Variants in VASH2 observed in about 807,000 individuals in gnomAD.
The protein encoded by VASH2 is vasohibin 2, also known as tubulinyl-Tyr carboxypeptidase 2.
In VASH2, 28 loss-of-function variants were observed where a neutral mutation model predicts 37.2. The ratio of observed to expected loss-of-function variants is 0.75; its 90% CI spans 0.56 to 1.03. The LOEUF is 1.03. Ranked by LOEUF, VASH2 falls within the 50% of genes least tolerant of loss-of-function variation. The probability of loss-of-function intolerance (pLI) is 0.00; values close to 1 mark genes in which losing one functional copy is unlikely to be tolerated. For missense variants in VASH2, 419 were observed against 459.1 expected (o/e 0.91, Z 0.80); for synonymous variants, 188 against 174.7 (o/e 1.08, Z -0.60).
intron 7 of VASH2, among the ~76,000 whole-genome samples, chr1:212,982,580 T>C (rs1242098371): frequency 6.6e-6 from 1 of 152,196 alleles, no homozygotes; most frequent in Non-Finnish European, 1.5e-5. Flanking sequence ...CACCCAGCTC[T>C]GGCCCTGAGA....
chr1:212,957,315 C>A (rs1158195889), intron 2 of VASH2, among the ~76,000 whole-genome samples: 1 of 152,170 alleles, frequency 6.6e-6, no homozygotes, highest in African/African-American at 2.4e-5. Flanking sequence ...TTGCTTCCAC[C>A]TTTGGGGGCC....
At position 212,991,454 on chromosome 1, in the gene VASH2, A is replaced by G. The variant is rs1027535864; in HGVS notation, c.*2870A>G. On this transcript the variant is annotated 3_prime_UTR_variant, in exon 8 of 8. Coordinates refer to ENST00000517399, the MANE Select transcript of VASH2 (RefSeq NM_001301056.2). ...GATTGTTTTAGTGGGTATTTTTCTA[A>G]TTAAATGAAAACTTGTATAATGGTA... The G allele has an allele frequency of 6.6e-6, 1 of 152,180 alleles. No individual in the cohort carries two copies. Among genetic ancestry groups the G allele is most frequent in the Non-Finnish European group, 1.5e-5 (1 of 68,038 alleles). 9.4% of individuals were successfully genotyped at this position (152,180 alleles called of 1,614,324 possible). A position where few individuals can be genotyped will look rare whatever the true frequency, so the allele number is the denominator to read the frequency against.
intron 2 of VASH2, among the ~76,000 whole-genome samples, chr1:212,958,171 G>A (rs902429716): frequency 1.3e-5 from 2 of 152,178 alleles, no homozygotes; most frequent in Non-Finnish European, 1.5e-5. Context: ...ATGGCCAGTG[G>A]GAACGTTGGG....
chr1:212,966,656 G>C (rs1426930627), intron 5 of VASH2, among the ~76,000 whole-genome samples: 1 of 152,232 alleles, frequency 6.6e-6, no homozygotes, highest in Non-Finnish European at 1.5e-5. Flanking sequence ...ACTAGAGAGA[G>C]TGTGTATGTG....
chr1:212,975,070 G>T (rs1401321363), intron 7 of VASH2: 1 of 152,202 alleles, frequency 6.6e-6, no homozygotes, highest in Non-Finnish European at 1.5e-5. Flanking sequence ...AACATTTTAC[G>T]AGTTTTGTTT....
At position 212,972,668 on chromosome 1, in the gene VASH2, C is replaced by G. The variant is rs757854031; in HGVS notation, c.586C>G (p.Leu196Val). ...AGGAAACTACTTTCACCACGTTGTG[C>G]TGGGGATTTACTGCAATGGCCGCTA... ...FSGNYFHHVVLGIYCNGRYGS... is the reference protein window; with the variant it reads ...FSGNYFHHVVVGIYCNGRYGS... Residue 196 changes from leucine (L) to valine (V), a missense_variant, in exon 6 of 8, where the codon CTG becomes GTG. Transcript: ENST00000517399. 4 of 1,614,116 alleles carry G rather than the reference C, an allele frequency of 2.5e-6. No individual in the cohort carries two copies. Among genetic ancestry groups the G allele is most frequent in the African/African-American group, 2.7e-5 (2 of 74,934 alleles).
At chr1:212,960,637 G>T (rs532788604) in intron 2 of VASH2, among the ~76,000 whole-genome samples, 4 of 152,164 alleles carry the variant, frequency 2.6e-5, no homozygotes, top group Non-Finnish European at 4.4e-5. Flanking sequence ...TGATCCACAC[G>T]CCTTGGCCTC....
chr1:212,987,996 C>T (rs1667532045), intron 7 of VASH2, among the ~76,000 whole-genome samples: 1 of 152,194 alleles, frequency 6.6e-6, no homozygotes, highest in South Asian at 2.1e-4. Context: ...TCCACACTGA[C>T]ATGCTTTTTC....
At chr1:212,987,736 G>T (rs1345053682) in intron 7 of VASH2, among the ~76,000 whole-genome samples, 1 of 152,228 alleles carries the variant, frequency 6.6e-6, no homozygotes, top group East Asian at 1.9e-4. Flanking sequence ...TCCAAGGTGA[G>T]AAGAGGCTCA....
Position 212,951,730 on chromosome 1 carries a change from G to C in VASH2, c.188G>C (p.Trp63Ser). The C allele has an allele frequency of 1.9e-6, 3 of 1,606,920 alleles. No homozygotes were observed. Among genetic ancestry groups the C allele is most frequent in the Non-Finnish European group, 1.7e-6 (2 of 1,177,778 alleles). ...KSGFPIDSHTWERMWMHVAKV... is the reference protein window; with the variant it reads ...KSGFPIDSHTSERMWMHVAKV... ...GGCTTCCCCATCGACAGCCACACCTGGGAGCGCATGTGGATGCACGTGGCC... is the reference window on the plus strand; with the variant it reads ...GGCTTCCCCATCGACAGCCACACCTCGGAGCGCATGTGGATGCACGTGGCC... Residue 63 changes from tryptophan (W) to serine (S), a missense_variant, in exon 2 of 8, where the codon TGG (tryptophan) becomes TCG (serine). Transcript: ENST00000517399. The surrounding 1 kb of genome is among the most constrained non-coding windows in gnomAD (Gnocchi z 4.4).
intron 2 of VASH2, among the ~76,000 whole-genome samples, chr1:212,956,362 C>T (rs1010869127): frequency 3.9e-5 from 6 of 152,212 alleles, no homozygotes; most frequent in Admixed American, 3.9e-4. Flanking sequence ...GGCCCCCACC[C>T]CTAGAAAACA....
At chr1:212,967,051 G>T (rs1666870538) in intron 5 of VASH2, 2 of 1,284,844 alleles carry the variant, frequency 1.6e-6, no homozygotes, top group East Asian at 5.6e-5. Flanking sequence ...GGCTCGCCAG[G>T]GAAAATTCTA....
chr1:212,957,225 C>T (rs1158708217), intron 2 of VASH2, among the ~76,000 whole-genome samples: 1 of 152,198 alleles, frequency 6.6e-6, no homozygotes, highest in South Asian at 2.1e-4. Flanking sequence ...AAGGCTGAAT[C>T]GTGTTCCACT....
intron 7 of VASH2, among the ~76,000 whole-genome samples, chr1:212,981,720 G>A (rs577579308): frequency 5.3e-5 from 8 of 152,326 alleles, no homozygotes; most frequent in Non-Finnish European, 1.0e-4. Context: ...GCCGGCACAC[G>A]TACCCAGACA....
Position 212,958,919 on chromosome 1 carries a change from G to A in VASH2, c.277-2247G>A, listed in dbSNP as rs567971674. On this transcript the variant is annotated intron_variant, in intron 2 of 7. Coordinates refer to ENST00000517399, the MANE Select transcript of VASH2 (RefSeq NM_001301056.2). Reference sequence around the variant, plus strand: ...TTTCTTTCTTTTTTTTTTAGTGATGGGGTCTCGCCATGTTGCCCAGGCTGG... The same window carrying A: ...TTTCTTTCTTTTTTTTTTAGTGATGAGGTCTCGCCATGTTGCCCAGGCTGG... 1.2e-4 allele frequency among the ~76,000 whole-genome samples: 18 copies of A among 151,656 alleles called. No homozygotes were observed. The South Asian group carries it at 3.5e-3, about 30-fold the overall frequency.
chr1:212,988,469 C>G (rs773617627), intron 7 of VASH2, 43 bp from the exon 8 acceptor site: 4 of 1,599,046 alleles, frequency 2.5e-6, no homozygotes, highest in Non-Finnish European at 3.4e-6. Flanking sequence ...CTTTCTTTGC[C>G]CCATCCCCTC....
chr1:212,988,425 A>C, intron 7 of VASH2, 87 bp from the exon 8 acceptor site: 3 of 1,391,606 alleles, frequency 2.2e-6, no homozygotes, highest in Non-Finnish European at 2.0e-6. Context: ...AAGGATTAGG[A>C]AAACCGAGTA....
At chr1:212,973,582 G>A in intron 6 of VASH2, 1 of 1,259,102 alleles carries the variant, frequency 7.9e-7, no homozygotes, top group East Asian at 5.5e-5. Context: ...AGCATCAGAG[G>A]AAGAACAGGC....
At chr1:212,979,426 G>A (rs1173928773) in intron 7 of VASH2, among the ~76,000 whole-genome samples, 2 of 152,200 alleles carry the variant, frequency 1.3e-5, no homozygotes, top group African/African-American at 2.4e-5. Flanking sequence ...TGTGTTGGGT[G>A]TCATGAGGAA....
Sources: allele counts gnomAD v4.1 joint callset (sites outside exome capture counted in the v4.1 genomes callset), GRCh38; gene constraint gnomAD v4.1.1; non-coding constraint Gnocchi (gnomAD v3.1); transcripts MANE v1.5; gene names NCBI Gene and HGNC (gene_info 2026-07-23, HGNC 2026-07-21).